The following AKR1D1 variants were observed in gnomAD, a reference collection of about 807,000 sequenced individuals.
AKR1D1 encodes the protein aldo-keto reductase family 1 member D1.
A neutral mutation model predicts 42.6 loss-of-function variants in AKR1D1; 32 were observed. The ratio of observed to expected loss-of-function variants is 0.75; its 90% CI spans 0.57 to 1.01. AKR1D1 has a LOEUF of 1.01. Ranked by LOEUF, AKR1D1 falls within the 50% of genes least tolerant of loss-of-function variation. The pLI is 0.00. For synonymous variants in AKR1D1, 123 were observed against 135.5 expected (o/e 0.91, Z 0.64); for missense variants, 364 against 402.2 (o/e 0.91, Z 0.81).
At chr7:138,098,681 T>C (rs534997235) in intron 4 of AKR1D1, among the ~76,000 whole-genome samples, 3 of 152,248 alleles carry the variant, frequency 2.0e-5, no homozygotes, top group African/African-American at 7.2e-5. Flanking sequence ...GCTGGCTCTT[T>C]TCCCAAGATC....
At chr7:138,090,649 A>G (rs185975879) in intron 2 of AKR1D1, among the ~76,000 whole-genome samples, 7 of 152,094 alleles carry the variant, frequency 4.6e-5, no homozygotes, top group Non-Finnish European at 8.8e-5. Flanking sequence ...AAAAAAAAAA[A>G]AAAGAAAAAA....
At chr7:138,080,450 T>A (rs1452315409) in intron 1 of AKR1D1, among the ~76,000 whole-genome samples, 1 of 152,168 alleles carries the variant, frequency 6.6e-6, no homozygotes, top group Non-Finnish European at 1.5e-5. Context: ...GCCTTTAGGG[T>A]GGGGGTGCCA....
At chr7:138,095,158 A>T (rs1794160156) in intron 3 of AKR1D1, among the ~76,000 whole-genome samples, 1 of 152,200 alleles carries the variant, frequency 6.6e-6, no homozygotes, top group Admixed American at 6.5e-5. Context: ...CAGGCTTGAT[A>T]ACCACCTGAT....
At chr7:138,080,215 A>G (rs1047929583) in intron 1 of AKR1D1, among the ~76,000 whole-genome samples, 3 of 152,174 alleles carry the variant, frequency 2.0e-5, no homozygotes, top group Non-Finnish European at 1.5e-5. Flanking sequence ...AAGAACTTCC[A>G]TCAGCCTTCC....
rs201480094 is a variant in AKR1D1 at position 138,088,302 on chromosome 7, C to T, written c.94-299C>T. On this transcript the variant is annotated intron_variant, in intron 1 of 8. Transcript: ENST00000242375. ...GCCTTCTTCAATCAGCTTGTGCCCT[C>T]CTGTAAAAAGGCTTCCATGAATTCT... 8.5e-5 allele frequency among the ~76,000 whole-genome samples: 13 copies of T among 152,312 alleles called. No homozygotes were observed. In the East Asian group the frequency reaches 2.5e-3, roughly 29 times the overall value.
At chr7:138,107,958 A>G (rs1794466305) in intron 7 of AKR1D1, among the ~76,000 whole-genome samples, 1 of 152,054 alleles carries the variant, frequency 6.6e-6, no homozygotes, top group Non-Finnish European at 1.5e-5. Context: ...TTCTGGGATT[A>G]CAGGCGTGAG....
chr7:138,094,246 G>A lies in AKR1D1; in HGVS notation c.378+2362G>A, dbSNP rs533855097. 7.2e-5 allele frequency among the ~76,000 whole-genome samples: 11 copies of A among 152,282 alleles called. No homozygotes were observed. The South Asian group carries it at 2.3e-3, about 32-fold the overall frequency. On this transcript the variant is annotated intron_variant, in intron 3 of 8. Coordinates refer to ENST00000242375, the MANE Select transcript of AKR1D1 (RefSeq NM_005989.4). ...TAAGGTAGGGTCAGCCGGGGACAGT[G>A]GCTCACATCTGTAGTCCCAGTACTT...
chr7:138,112,095 A>T (rs535197894), intron 7 of AKR1D1, among the ~76,000 whole-genome samples: 1 of 152,118 alleles, frequency 6.6e-6, no homozygotes, highest in Non-Finnish European at 1.5e-5. Flanking sequence ...CTCCAAGATC[A>T]TTTTCTTTGA....
intron 8 of AKR1D1, among the ~76,000 whole-genome samples, chr7:138,114,430 T>C (rs1317413386): frequency 6.6e-6 from 1 of 152,066 alleles, no homozygotes; most frequent in Non-Finnish European, 1.5e-5. Context: ...GAGGCTAAGG[T>C]GGGCGGATCA....
rs541185230 is a variant in AKR1D1, at chr7:138,089,292, A to T, written c.261+524A>T. On this transcript the variant is annotated intron_variant, in intron 2 of 8. Coordinates refer to ENST00000242375, the MANE Select transcript of AKR1D1 (RefSeq NM_005989.4). ...CTTGAGCCAGGGAGGTCAAAGCTGCAATGAGTCATGTTCATATCACTGCAC... is the reference window on the plus strand; with the variant it reads ...CTTGAGCCAGGGAGGTCAAAGCTGCTATGAGTCATGTTCATATCACTGCAC... 2.1e-3 allele frequency among the ~76,000 whole-genome samples: 318 copies of T among 152,190 alleles called. 1 individual carries two copies. Among genetic ancestry groups the T allele is most frequent in the Non-Finnish European group, 3.5e-3 (240 of 68,012 alleles).
chr7:138,107,604 G>A lies in AKR1D1; in HGVS notation c.855+24G>A. 6.8e-6 allele frequency: 11 copies of A among 1,611,860 alleles called. 1 individual carries two copies. The highest frequency in any genetic ancestry group is 9.3e-6 in the Non-Finnish European group (11 of 1,179,204). ...AGGTAAGAGAATTGCTTTTGGAGAT[G>A]TGAAAAGATGGGTATGTTTGCTATT... is the stretch of plus-strand genomic sequence containing the variant. On this transcript the variant is annotated intron_variant, in intron 7 of 8. Coordinates refer to ENST00000242375, the MANE Select transcript of AKR1D1 (RefSeq NM_005989.4).
chr7:138,097,815 C>G, intron 3 of AKR1D1, 51 bp from the exon 4 acceptor site: 1 of 1,362,720 alleles, frequency 7.3e-7, no homozygotes, highest in Non-Finnish European at 1.0e-6. Context: ...TTATTTAATT[C>G]CCAGATATAA....
chr7:138,094,766 C>T (rs1221371880), intron 3 of AKR1D1, among the ~76,000 whole-genome samples: 1 of 152,178 alleles, frequency 6.6e-6, no homozygotes, highest in African/African-American at 2.4e-5. Flanking sequence ...GCCATTCTCC[C>T]ACTTCAGCCT....
chr7:138,077,325 T>C (rs186567320), intron 1 of AKR1D1, among the ~76,000 whole-genome samples: 11 of 152,298 alleles, frequency 7.2e-5, no homozygotes, highest in African/African-American at 2.4e-4. Flanking sequence ...CTTCATAAGA[T>C]GGCAGCAAGG....
intron 8 of AKR1D1, 151 bp from the exon 9 acceptor site, chr7:138,116,469 G>A: frequency 2.2e-6 from 2 of 914,568 alleles, no homozygotes; most frequent in Admixed American, 3.9e-5. Flanking sequence ...TGGCTTGAGG[G>A]AAAACAGAAG....
intron 1 of AKR1D1, among the ~76,000 whole-genome samples, chr7:138,084,289 G>T (rs1803121550): frequency 1.5e-5 from 2 of 132,402 alleles, no homozygotes; most frequent in Admixed American, 1.7e-4. Context: ...TTGAGACAGG[G>T]TCTTGCTCCA....
In AKR1D1 at chr7:138,076,556, G is replaced by C; in HGVS notation, c.38G>C (p.Ser13Thr). The C allele has an allele frequency of 6.2e-7, 1 of 1,613,560 alleles. No homozygotes were observed. Among genetic ancestry groups the C allele is most frequent in the Non-Finnish European group, 8.5e-7 (1 of 1,179,720 alleles). ...GCTGCAAGTCACCGCATACCTCTAA[G>C]TGATGGAAACAGCATTCCCATCATC... is the stretch of plus-strand genomic sequence containing the variant. ...LSAASHRIPL[S>T]DGNSIPIIGL... The change falls in exon 1 of 9, where the codon AGT (serine) becomes ACT (threonine). Residue 13 changes from serine to threonine, a missense_variant. Physicochemically the swap from Ser to Thr is moderately conservative, Grantham distance 58. Coordinates refer to ENST00000242375, the MANE Select transcript of AKR1D1 (RefSeq NM_005989.4).
intron 8 of AKR1D1, among the ~76,000 whole-genome samples, chr7:138,116,311 T>C (rs1202577478): frequency 6.7e-6 from 1 of 149,566 alleles, no homozygotes; most frequent in Non-Finnish European, 1.5e-5. Context: ...GGGGAAGGAG[T>C]AGGGAAGAGG....
intron 5 of AKR1D1, 42 bp from the exon 6 acceptor site, chr7:138,106,566 T>C (rs770917815): frequency 5.5e-5 from 81 of 1,474,764 alleles, no homozygotes; most frequent in Non-Finnish European, 6.9e-5. Context: ...TTCAACAACG[T>C]GGCCTTGATT....
Sources: gnomAD v4.1 joint callset for allele counts (sites outside exome capture counted in the v4.1 genomes callset) on GRCh38, gnomAD v4.1.1 for gene constraint, MANE v1.5 for transcripts, NCBI Gene and HGNC (gene_info 2026-07-23, HGNC 2026-07-21) for gene names.